RPRD1A: variants seen among roughly 807,000 people sequenced by gnomAD.
RPRD1A encodes the protein regulation of nuclear pre-mRNA domain-containing protein 1A.
In RPRD1A, 9 loss-of-function variants were observed where a neutral mutation model predicts 37.8. The observed-to-expected ratio is 0.24, with a 90% confidence interval of 0.14 to 0.42. The LOEUF (loss-of-function observed/expected upper bound fraction) is 0.42. Ranked by LOEUF, RPRD1A falls within the 10% of genes least tolerant of loss-of-function variation. RPRD1A has a pLI of 1.00. For missense variants in RPRD1A, 255 were observed against 371.0 expected, an observed-to-expected ratio of 0.69 and a Z score of 2.57; for synonymous variants, 138 against 139.7, an observed-to-expected ratio of 0.99 and a Z score of 0.08.
intron 6 of RPRD1A, among the ~76,000 whole-genome samples, chr18:36,003,583 G>A (rs1377096746): frequency 6.6e-6 from 1 of 152,194 alleles, no homozygotes; most frequent in African/African-American, 2.4e-5. Context: ...TGGTTTAAGT[G>A]AGTTAGCTAC....
intron 6 of RPRD1A, among the ~76,000 whole-genome samples, chr18:36,021,333 T>G (rs375399366): frequency 7.0e-6 from 1 of 143,630 alleles, no homozygotes; most frequent in Non-Finnish European, 1.5e-5. Context: ...TGTCAAATTT[T>G]GGTATTTCTT....
intron 6 of RPRD1A, among the ~76,000 whole-genome samples, chr18:36,001,676 TCC>T (rs1568113615): frequency 6.6e-6 from 1 of 152,142 alleles, no homozygotes; most frequent in South Asian, 2.1e-4. Flanking sequence ...AGAGTGAAGT[TCC>T]AAAAGTACAA....
At chr18:36,049,538 G>C (rs1380964906) in intron 1 of RPRD1A, among the ~76,000 whole-genome samples, 11 of 152,134 alleles carry the variant, frequency 7.2e-5, no homozygotes, top group Non-Finnish European at 2.9e-5. Context: ...ACTACTCTAG[G>C]TGTCTCATAT....
At chr18:36,067,070 T>TCAATAAATATCTAAGCCCAGA (rs2089045349) in intron 1 of RPRD1A, among the ~76,000 whole-genome samples, 184 bp downstream of exon 1, 2 of 152,212 alleles carry the variant, frequency 1.3e-5, no homozygotes, top group Non-Finnish European at 2.9e-5. Flanking sequence ...ATTCCTTTAT[T>TCAATAAATATCTAAGCCCAGA]CAATAAATAT....
At chr18:36,057,049 T>TAAAAA (rs1407950222) in intron 1 of RPRD1A, among the ~76,000 whole-genome samples, 510 of 23,282 alleles carry the variant, frequency 0.022, 22 homozygotes, top group African/African-American at 0.093. Flanking sequence ...ACCCTGTTTC[T>TAAAAA]ACAAAAAAAA....
intron 1 of RPRD1A, among the ~76,000 whole-genome samples, chr18:36,042,024 T>C (rs1912619238): frequency 6.6e-6 from 1 of 152,230 alleles, no homozygotes; most frequent in Non-Finnish European, 1.5e-5. Flanking sequence ...TTACAAGCCT[T>C]TGAAGATTTT....
chr18:36,046,405 C>T (rs1295634090), intron 1 of RPRD1A, among the ~76,000 whole-genome samples: 1 of 152,180 alleles, frequency 6.6e-6, no homozygotes, highest in Non-Finnish European at 1.5e-5. Flanking sequence ...CCATATACTC[C>T]TTCTCCCCTC....
intron 1 of RPRD1A, among the ~76,000 whole-genome samples, chr18:36,047,974 T>C (rs1210159303): frequency 6.6e-6 from 1 of 152,026 alleles, no homozygotes; most frequent in Non-Finnish European, 1.5e-5. Flanking sequence ...AAGTTAGTGC[T>C]ATGGTACTCT....
chr18:36,018,457 T>C (rs1225870926), intron 6 of RPRD1A, among the ~76,000 whole-genome samples: 1 of 152,108 alleles, frequency 6.6e-6, no homozygotes, highest in Non-Finnish European at 1.5e-5. Flanking sequence ...CTATTTTTAG[T>C]AGAGACGGGG....
intron 1 of RPRD1A, among the ~76,000 whole-genome samples, chr18:36,065,509 A>G (rs1263350154): frequency 6.6e-6 from 1 of 152,198 alleles, no homozygotes; most frequent in Non-Finnish European, 1.5e-5. Context: ...TTGCACAGGC[A>G]GGGTCTCACT....
At chr18:36,033,524 T>C (rs1178945662) in intron 2 of RPRD1A, among the ~76,000 whole-genome samples, 184 bp downstream of exon 2, 2 of 152,080 alleles carry the variant, frequency 1.3e-5, no homozygotes. Flanking sequence ...TCAAAAAATA[T>C]TTTTCCTTCA....
At chr18:36,057,182 C>T (rs1205288942) in intron 1 of RPRD1A, among the ~76,000 whole-genome samples, 1 of 151,818 alleles carries the variant, frequency 6.6e-6, no homozygotes, top group East Asian at 1.9e-4. Context: ...GGCCACCACA[C>T]TCCAGCCTGG....
At chr18:36,015,834 G>A (rs1307256724) in intron 6 of RPRD1A, among the ~76,000 whole-genome samples, 1 of 152,178 alleles carries the variant, frequency 6.6e-6, no homozygotes, top group Non-Finnish European at 1.5e-5. Context: ...TGTTGAATGG[G>A]TAGGTACAGA....
chr18:36,048,063 CTTTTTTTTTT>C (rs1156933838), intron 1 of RPRD1A, among the ~76,000 whole-genome samples: 3 of 114,472 alleles, frequency 2.6e-5, no homozygotes, highest in East Asian at 2.3e-4. Flanking sequence ...GTACCCATTC[CTTTTTTTTTT>C]TTTTTTTTTT....
At chr18:36,004,000 CTTT>C (rs34397005) in intron 6 of RPRD1A, among the ~76,000 whole-genome samples, 64 of 85,172 alleles carry the variant, frequency 7.5e-4, no homozygotes, top group African/African-American at 1.3e-3. Flanking sequence ...CAGACACAGA[CTTT>C]TTTTTTTTTT....
chr18:36,015,159 TATATACACATATATACAC>T (rs1568121979), intron 6 of RPRD1A, among the ~76,000 whole-genome samples: 1 of 92,880 alleles, frequency 1.1e-5, no homozygotes, highest in East Asian at 5.2e-4. Flanking sequence ...CACACACACA[TATATACACATATATACAC>T]ACACACACAC....
intron 1 of RPRD1A, among the ~76,000 whole-genome samples, chr18:36,054,245 C>A (rs1186717095): frequency 2.0e-5 from 3 of 152,142 alleles, no homozygotes; most frequent in Admixed American, 1.3e-4. Flanking sequence ...AATCCCAGCA[C>A]CTTGGGAGGC....
At position 36,008,571 on chromosome 18, in the gene RPRD1A, G is replaced by GTATATATATATATATATATATATATA. The variant is rs1359543093; in HGVS notation, c.790-15272_790-15271insTATATATATATATATATATATATATA. On this transcript the variant is annotated intron_variant, in intron 6 of 6. Coordinates refer to ENST00000399022, the MANE Select transcript of RPRD1A (RefSeq NM_018170.5). Reference sequence around the variant, plus strand: ...AGCCTGGGCGACACAGCAAGACCTTGTGTGTGTATATATATATATCTTTAA... The same window carrying GTATATATATATATATATATATATATA: ...AGCCTGGGCGACACAGCAAGACCTTGTATATATATATATATATATATATATATGTGTGTATATATATATATCTTTAA... Among the ~76,000 whole-genome samples the GTATATATATATATATATATATATATA allele has an allele frequency of 6.6e-3, 183 of 27,816 alleles. 12 individuals carry two copies. The highest frequency in any genetic ancestry group is 0.012 in the African/African-American group (72 of 5,786). The allele number at this position is 27,816 out of a possible 152,430, so 18.2% of individuals were successfully genotyped here.
At chr18:36,010,258 C>T (rs1304937263) in intron 6 of RPRD1A, among the ~76,000 whole-genome samples, 1 of 151,784 alleles carries the variant, frequency 6.6e-6, no homozygotes, top group African/African-American at 2.4e-5. Context: ...CGCTTGAGCC[C>T]AGGAATTCAA....
Sources: gnomAD v4.1 joint callset for allele counts (sites outside exome capture counted in the v4.1 genomes callset) on GRCh38, gnomAD v4.1.1 for gene constraint, MANE v1.5 for transcripts, NCBI Gene and HGNC (gene_info 2026-07-23, HGNC 2026-07-21) for gene names.